Variants in MED24 observed in about 807,000 individuals in gnomAD.
MED24 encodes the protein mediator of RNA polymerase II transcription subunit 24.
A neutral mutation model predicts 118.8 loss-of-function variants in MED24; 74 were observed. The ratio of observed to expected loss-of-function variants is 0.62; its 90% CI spans 0.52 to 0.76. MED24 has a LOEUF of 0.76. Among genes scored for constraint, MED24 ranks in the 30% least tolerant of loss-of-function variants. The pLI is 0.00. For synonymous variants in MED24, 521 were observed against 523.9 expected (o/e 0.99, Z 0.08); for missense variants, 1,041 against 1,278.9 (o/e 0.81, Z 2.84).
rs113939355 is a variant in MED24, at chr17:40,024,416, C to T, written c.1986-1021G>A. Among the ~76,000 whole-genome samples, 906 of 152,242 alleles carry T rather than the reference C, an allele frequency of 6.0e-3. 9 individuals carry two copies. The highest frequency in any genetic ancestry group is 0.021 in the African/African-American group (857 of 41,554). Reference sequence around the variant, plus strand: ...GGGTGTGGTGGCACATGCCTGTAATCCCGGCTACTCGGGAGGCTGAGGCAG... The same window carrying T: ...GGGTGTGGTGGCACATGCCTGTAATTCCGGCTACTCGGGAGGCTGAGGCAG... On this transcript the variant is annotated intron_variant, in intron 19 of 25. Coordinates refer to ENST00000394128, the MANE Select transcript of MED24 (RefSeq NM_014815.4).
intron 19 of MED24, 40 bp from the exon 20 acceptor site, chr17:40,023,435 TGTAGG>T (rs1982278083): frequency 1.3e-6 from 2 of 1,539,206 alleles, no homozygotes; most frequent in South Asian, 2.5e-5. Context: ...CAGGTGCCAC[TGTAGG>T]GTGGGGAGGG....
chr17:40,052,852 G>A (rs1007856483), intron 3 of MED24, among the ~76,000 whole-genome samples: 32 of 152,168 alleles, frequency 2.1e-4, no homozygotes, highest in Admixed American at 1.8e-3. Flanking sequence ...GAAATGATCT[G>A]TTCAAACAGA....
At position 40,053,325 on chromosome 17, in the gene MED24, G is replaced by A. The variant is rs745463571; in HGVS notation, c.186C>T (p.Ser62=). ...GGGAACTAATGGCATACTTCAGGTAGGACAAGATGAGAGGATTGGGGGATG... is the reference window on the plus strand; with the variant it reads ...GGGAACTAATGGCATACTTCAGGTAAGACAAGATGAGAGGATTGGGGGATG... The part of the protein sequence containing the change: ...IGPSPNPLIL[S]YLKYAISSQM... The change falls in exon 3 of 26, where the codon TCC becomes TCT. Residue 62 remains serine (S), a synonymous_variant. Coordinates refer to ENST00000394128, the MANE Select transcript of MED24 (RefSeq NM_014815.4). 1.2e-6 allele frequency: 2 copies of A among 1,611,920 alleles called. No individual in the cohort carries two copies. The highest frequency in any genetic ancestry group is 2.2e-5 in the East Asian group (1 of 44,860).
chr17:40,053,740 C>T (rs753623579), intron 1 of MED24, 105 bp from the exon 2 acceptor site: 29 of 1,429,790 alleles, frequency 2.0e-5, no homozygotes, highest in Non-Finnish European at 2.7e-5. Flanking sequence ...AAGATTTAAG[C>T]GAGACAGAGG....
chr17:40,031,175 T>G lies in MED24; in HGVS notation c.1138A>C (p.Asn380His). The change falls in exon 12 of 26, where the codon AAC (asparagine) becomes CAC (histidine). Residue 380 changes from asparagine to histidine, a missense_variant. Physicochemically the swap from Asn to His is moderately conservative, Grantham distance 68. Transcript: ENST00000394128. Reference sequence around the variant, plus strand: ...CACACTTACCGCTTAGCCATAAGGTTGTTGACGCTGGCCTCAGACAGAAGC... The same window carrying G: ...CACACTTACCGCTTAGCCATAAGGTGGTTGACGCTGGCCTCAGACAGAAGC... ...QGLLSEASVNNLMAKRKADRE... is the reference protein window; with the variant it reads ...QGLLSEASVNHLMAKRKADRE... 1 of 1,568,568 alleles carries G rather than the reference T, an allele frequency of 6.4e-7. No homozygotes were observed. The highest frequency in any genetic ancestry group is 8.7e-7 in the Non-Finnish European group (1 of 1,155,638).
Position 40,035,257 on chromosome 17 carries a change from TCTGCAGAGG to T in MED24, c.410_418del (p.Ala137_Ala139del), listed in dbSNP as rs771229258. On this transcript the variant is annotated inframe_deletion, in exon 6 of 26. Coordinates refer to ENST00000394128, the MANE Select transcript of MED24 (RefSeq NM_014815.4). ...GGCCTCCAGCCCCTCCCGCAGCCGC[TCTGCAGAGG>T]CTGCCGTGCAGCGCAGCAGCCAGTG... 1.9e-6 allele frequency: 3 copies of T among 1,613,872 alleles called. No homozygotes were observed. The highest frequency in any genetic ancestry group is 2.5e-6 in the Non-Finnish European group (3 of 1,179,950).
intron 16 of MED24, 119 bp downstream of exon 16, chr17:40,027,264 T>TTCTGAGGCCCACAGAACTAACTG: frequency 1.6e-6 from 2 of 1,272,500 alleles, no homozygotes; most frequent in Non-Finnish European, 2.2e-6. Context: ...GGCACCTGGT[T>TTCTGAGGCCCACAGAACTAACTG]TCTGAGGCCC....
rs994825047 is a variant in MED24, at chr17:40,040,632, T to A, written c.214-4478A>T. 2.0e-5 allele frequency among the ~76,000 whole-genome samples: 3 copies of A among 151,774 alleles called. No homozygotes were observed. The East Asian group carries it at 5.8e-4, about 29-fold the overall frequency. ...TTTTTTAATTTTATTTTCTTTTTTT[T>A]TTTTGAGACAGATTCTCACTCTGTT... On this transcript the variant is annotated intron_variant, in intron 3 of 25. Coordinates refer to ENST00000394128, the MANE Select transcript of MED24 (RefSeq NM_014815.4).
At chr17:40,032,800 C>T (rs1236511306) in intron 8 of MED24, 38 bp from the exon 9 acceptor site, 2 of 1,561,588 alleles carry the variant, frequency 1.3e-6, no homozygotes, top group Admixed American at 3.4e-5. Flanking sequence ...AAGAGGGTGC[C>T]CATACCCCGT....
Position 40,045,499 on chromosome 17 carries a change from TG to T in MED24, c.213+7798del, listed in dbSNP as rs1985068453. On this transcript the variant is annotated intron_variant, in intron 3 of 25. Transcript: ENST00000394128. ...GTACATATGGAATATTATGTAGCAGTGGTTTAGGGGTGAGCTCCATGGCTCA... is the reference window on the plus strand; with the variant it reads ...GTACATATGGAATATTATGTAGCAGTGTTTAGGGGTGAGCTCCATGGCTCA... Among the ~76,000 whole-genome samples the T allele has an allele frequency of 2.1e-5, 3 of 146,158 alleles. No individual in the cohort carries two copies. In the South Asian group the frequency reaches 6.5e-4, roughly 31 times the overall value.
chr17:40,035,544 G>A (rs528416903), intron 5 of MED24, among the ~76,000 whole-genome samples, 178 bp downstream of exon 5: 1 of 152,260 alleles, frequency 6.6e-6, no homozygotes, highest in South Asian at 2.1e-4. Flanking sequence ...AGACAGAGAG[G>A]AGGCACTCTG....
At chr17:40,047,444 G>A (rs1315863173) in intron 3 of MED24, among the ~76,000 whole-genome samples, 1 of 151,134 alleles carries the variant, frequency 6.6e-6, no homozygotes, top group African/African-American at 2.4e-5. Context: ...GGTGGATCAC[G>A]AGGTCAGGAG....
chr17:40,019,590 A>G lies in MED24; in HGVS notation c.2909T>C (p.Ile970Thr). The change falls in exon 26 of 26, where the codon ATC becomes ACC. Residue 970 changes from isoleucine to threonine, a missense_variant. This residue lies in a region of MED24 where 587 missense variants were observed against 694.4 expected (regional missense o/e 0.85). Transcript: ENST00000394128. ...GCCCAGGGGCAGGCTGAGGTCCGTG[A>G]TGGCCAGAACCACCTTGGGGCTGGA... Reference protein sequence around the residue: ...AMSSPKVVLAITDLSLPLGRQ... With the variant: ...AMSSPKVVLATTDLSLPLGRQ... 2.5e-6 allele frequency: 4 copies of G among 1,611,802 alleles called. No individual in the cohort carries two copies. Among genetic ancestry groups the G allele is most frequent in the Non-Finnish European group, 3.4e-6 (4 of 1,178,864 alleles).
At chr17:40,047,711 A>G (rs974792129) in intron 3 of MED24, among the ~76,000 whole-genome samples, 2 of 150,540 alleles carry the variant, frequency 1.3e-5, no homozygotes, top group African/African-American at 5.0e-5. Context: ...CAAAAAAAAA[A>G]CCCTGACTGA....
chr17:40,032,103 G>T lies in MED24; in HGVS notation c.937-13C>A. On this transcript the variant is annotated splice_polypyrimidine_tract_variant and intron_variant, in intron 9 of 25. Transcript: ENST00000394128. ...AAACCTGTGGAATCTAGGGGGTGAGGCAGGGGGAAAAACAGGAAGATCCAT... is the reference window on the plus strand; with the variant it reads ...AAACCTGTGGAATCTAGGGGGTGAGTCAGGGGGAAAAACAGGAAGATCCAT... 1 of 1,613,290 alleles carries T rather than the reference G, an allele frequency of 6.2e-7. No individual in the cohort carries two copies. Among genetic ancestry groups the T allele is most frequent in the Non-Finnish European group, 8.5e-7 (1 of 1,179,562 alleles).
rs1414073503 is a variant in MED24, at chr17:40,025,469, A to G, written c.1985+687T>C. 3.3e-5 allele frequency among the ~76,000 whole-genome samples: 5 copies of G among 152,282 alleles called. No individual in the cohort carries two copies. The East Asian group carries it at 5.8e-4, about 18-fold the overall frequency. On this transcript the variant is annotated intron_variant, in intron 19 of 25. Transcript: ENST00000394128. ...CTTGTCTCAACAACAACAACAACAA[A>G]AAGTATAAAGTAGTCAAATTCCTAG...
At chr17:40,020,100 AGGGGG>A in intron 24 of MED24, 167 bp from the exon 25 acceptor site, 32 of 643,840 alleles carry the variant, frequency 5.0e-5, no homozygotes, top group Non-Finnish European at 7.3e-5. Flanking sequence ...GGAGGGGAGG[AGGGGG>A]AACTAGACAG....
Position 40,032,699 on chromosome 17 carries a change from A to G in MED24, c.886T>C (p.Ser296Pro). The change falls in exon 9 of 26, where the codon TCT becomes CCT. Residue 296 changes from serine (S) to proline (P), a missense_variant. Transcript: ENST00000394128. ...TTGAGCTCCTCCGTACCCTCGGGAGACTCAATGAGCCCCACGAAGCAAGCT... is the reference window on the plus strand; with the variant it reads ...TTGAGCTCCTCCGTACCCTCGGGAGGCTCAATGAGCCCCACGAAGCAAGCT... ...WKACFVGLIE[S>P]PEGTEELKWT... is the part of the protein sequence containing the mutation. 6.2e-7 allele frequency: 1 copy of G among 1,613,834 alleles called. No individual in the cohort carries two copies. The highest frequency in any genetic ancestry group is 1.1e-5 in the South Asian group (1 of 91,076).
At chr17:40,019,674 G>T in intron 25 of MED24, 29 bp from the exon 26 acceptor site, 2 of 1,580,902 alleles carry the variant, frequency 1.3e-6, no homozygotes, top group Non-Finnish European at 1.7e-6. Flanking sequence ...TGCTGCTTGC[G>T]GGACGGCTGG....
Sources: gnomAD v4.1 joint callset for allele counts (sites outside exome capture counted in the v4.1 genomes callset) on GRCh38, gnomAD v4.1.1 for gene constraint, gnomAD v4.1.1 regional missense constraint, MANE v1.5 for transcripts, NCBI Gene and HGNC (gene_info 2026-07-23, HGNC 2026-07-21) for gene names.